RCOR1: variants seen among roughly 807,000 people sequenced by gnomAD.
RCOR1 encodes the protein REST corepressor 1.
Under a neutral mutation model 64.0 loss-of-function variants are expected in RCOR1, and 12 were observed. The ratio of observed to expected loss-of-function variants is 0.19; its 90% CI spans 0.12 to 0.30. RCOR1 has a LOEUF of 0.30. Ranked by LOEUF, RCOR1 falls within the 10% of genes least tolerant of loss-of-function variation. The pLI, the probability that RCOR1 is intolerant of heterozygous loss-of-function variation, is 1.00. For synonymous variants in RCOR1, 279 were observed against 227.2 expected (o/e 1.23, Z -2.05); for missense variants, 502 against 621.2 (o/e 0.81, Z 2.04).
intron 2 of RCOR1, among the ~76,000 whole-genome samples, chr14:102,616,198 A>G (rs2139894702): frequency 6.9e-6 from 1 of 144,514 alleles, no homozygotes; most frequent in African/African-American, 2.6e-5. Flanking sequence ...CAAAAGATAC[A>G]TGTGTATATG....
At chr14:102,658,922 C>T (rs1274924060) in intron 2 of RCOR1, among the ~76,000 whole-genome samples, 1 of 152,074 alleles carries the variant, frequency 6.6e-6, no homozygotes, top group African/African-American at 2.4e-5. Context: ...TAATGTTAAT[C>T]GTGGCCAAGG....
chr14:102,641,595 G>A (rs1270330534), intron 2 of RCOR1, among the ~76,000 whole-genome samples: 1 of 151,958 alleles, frequency 6.6e-6, no homozygotes, highest in African/African-American at 2.4e-5. Context: ...GTGAGACCCT[G>A]TCTCAATTAA....
intron 2 of RCOR1, among the ~76,000 whole-genome samples, chr14:102,635,956 CTTCT>C (rs1894226716): frequency 6.6e-6 from 1 of 152,046 alleles, no homozygotes; most frequent in Admixed American, 6.6e-5. Context: ...CCCTCCCTCC[CTTCT>C]GACAGAGAGT....
In RCOR1 at chr14:102,622,425, C is replaced by T. The variant is rs542638809; in HGVS notation, c.361+29100C>T. Among the ~76,000 whole-genome samples the T allele has an allele frequency of 6.1e-4, 93 of 152,156 alleles. 1 individual carries two copies. The highest frequency in any genetic ancestry group is 1.1e-3 in the Non-Finnish European group (77 of 68,028). ...TCCCCATCACTGTCTGCTTGGGAACCGTGAGCATTGTTCTCATCTTGTGCT... is the reference window on the plus strand; with the variant it reads ...TCCCCATCACTGTCTGCTTGGGAACTGTGAGCATTGTTCTCATCTTGTGCT... On this transcript the variant is annotated intron_variant, in intron 2 of 11. Coordinates refer to ENST00000262241, the MANE Select transcript of RCOR1 (RefSeq NM_015156.4).
At chr14:102,692,759 T>TCC (rs201787843) in intron 3 of RCOR1, among the ~76,000 whole-genome samples, 50 of 89,840 alleles carry the variant, frequency 5.6e-4, no homozygotes, top group African/African-American at 1.3e-3. Flanking sequence ...CTTCCTTCTT[T>TCC]TTCTTTTTCT....
Position 102,592,804 on chromosome 14 carries a change from C to CCCGCGCCCCCT in RCOR1, c.-80_-70dup, listed in dbSNP as rs1357028545. ...CGCGCCCGCCCGGCCCCGCGCCGGC[C>CCCGCGCCCCCT]CCGCGCCCCCTCCCCCGTCTCGGCG... On this transcript the variant is annotated 5_prime_UTR_variant, in exon 1 of 12. Transcript: ENST00000262241. 42 of 1,177,314 alleles carry CCCGCGCCCCCT rather than the reference C, an allele frequency of 3.6e-5. No homozygotes were observed. Among genetic ancestry groups the CCCGCGCCCCCT allele is most frequent in the Non-Finnish European group, 4.3e-5 (41 of 953,100 alleles). The allele number at this position is 1,177,314 out of a possible 1,614,324, so 72.9% of individuals were successfully genotyped here. A position where few individuals can be genotyped will look rare whatever the true frequency, so the allele number is the denominator to read the frequency against.
At chr14:102,654,512 G>C (rs1894681967) in intron 2 of RCOR1, among the ~76,000 whole-genome samples, 1 of 152,060 alleles carries the variant, frequency 6.6e-6, no homozygotes, top group Admixed American at 6.6e-5. Context: ...AGGGAGTAGT[G>C]TGTTTGTTGG....
intron 2 of RCOR1, among the ~76,000 whole-genome samples, chr14:102,681,475 T>C (rs1895302038): frequency 6.6e-6 from 1 of 152,038 alleles, no homozygotes; most frequent in Non-Finnish European, 1.5e-5. Context: ...CAGGTTAAAC[T>C]TTTTAAATAG....
chr14:102,677,216 C>T (rs1306810310), intron 2 of RCOR1, among the ~76,000 whole-genome samples: 1 of 140,058 alleles, frequency 7.1e-6, no homozygotes, highest in Non-Finnish European at 1.6e-5. Flanking sequence ...GGGCTGACCC[C>T]CCCTCCCCCC....
chr14:102,714,473 A>G lies in RCOR1; in HGVS notation c.909A>G (p.Thr303=), dbSNP rs1427768659. The change falls in exon 8 of 12, where the codon ACA becomes ACG. Residue 303 remains threonine (T), a synonymous_variant. Transcript: ENST00000262241. ...VPQVKKEKHS[T]QAKNRAKRKP... is the part of the protein sequence containing the mutation. ...AGGTCAAAAAAGAAAAACATAGCACACAAGCTAAAAATAGAGCAAAAAGGA... is the reference window on the plus strand; with the variant it reads ...AGGTCAAAAAAGAAAAACATAGCACGCAAGCTAAAAATAGAGCAAAAAGGA... 1.2e-6 allele frequency: 2 copies of G among 1,613,740 alleles called. No individual in the cohort carries two copies. The highest frequency in any genetic ancestry group is 1.1e-5 in the South Asian group (1 of 91,052).
At chr14:102,692,144 G>A (rs139123462) in intron 3 of RCOR1, among the ~76,000 whole-genome samples, 1 of 152,232 alleles carries the variant, frequency 6.6e-6, no homozygotes, top group East Asian at 1.9e-4. Context: ...AATGGCATTG[G>A]TGTTATGAAA....
At chr14:102,675,108 C>A (rs1895115919) in intron 2 of RCOR1, among the ~76,000 whole-genome samples, 1 of 150,522 alleles carries the variant, frequency 6.6e-6, no homozygotes, top group Non-Finnish European at 1.5e-5. Context: ...TGTGTTGGCA[C>A]CTTCAGCAAA....
chr14:102,608,512 G>C (rs980824799), intron 2 of RCOR1, among the ~76,000 whole-genome samples: 14 of 152,042 alleles, frequency 9.2e-5, no homozygotes, highest in African/African-American at 3.1e-4. Flanking sequence ...TCAACTCATT[G>C]CAACCTCTGC....
intron 8 of RCOR1, among the ~76,000 whole-genome samples, chr14:102,719,570 G>T (rs1412216621): frequency 6.6e-6 from 1 of 152,096 alleles, no homozygotes; most frequent in Non-Finnish European, 1.5e-5. Context: ...CCTTACAAAG[G>T]ACATAAACTC....
rs151240064 is a variant in RCOR1, at chr14:102,640,274, A to G, written c.362-41621A>G. Among the ~76,000 whole-genome samples the G allele has an allele frequency of 5.9e-3, 902 of 152,330 alleles. 8 individuals are homozygous for G. The highest frequency in any genetic ancestry group is 0.02 in the African/African-American group (826 of 41,578). On this transcript the variant is annotated intron_variant, in intron 2 of 11. Coordinates refer to ENST00000262241, the MANE Select transcript of RCOR1 (RefSeq NM_015156.4). ...GGGAGCCGCTGTGCCCAGCCTAGTCATGTTTTTAATTAATTGAATGTCTGA... is the reference window on the plus strand; with the variant it reads ...GGGAGCCGCTGTGCCCAGCCTAGTCGTGTTTTTAATTAATTGAATGTCTGA...
At chr14:102,627,170 A>G (rs138168013) in intron 2 of RCOR1, among the ~76,000 whole-genome samples, 133 of 152,308 alleles carry the variant, frequency 8.7e-4, no homozygotes, top group African/African-American at 3.2e-3. Flanking sequence ...ACCTGTCTAC[A>G]TCTGTGCCTG....
chr14:102,667,701 G>A (rs1052286552), intron 2 of RCOR1, among the ~76,000 whole-genome samples: 1 of 152,102 alleles, frequency 6.6e-6, no homozygotes, highest in African/African-American at 2.4e-5. Flanking sequence ...GAGAAAAGTC[G>A]AAGAGATTAG....
chr14:102,662,441 C>G, intron 2 of RCOR1: 3 of 549,922 alleles, frequency 5.5e-6, no homozygotes, highest in South Asian at 1.4e-5. Flanking sequence ...GTTGTCCTCG[C>G]TCTTCTTCAT....
intron 2 of RCOR1, among the ~76,000 whole-genome samples, chr14:102,602,688 T>C (rs2139881673): frequency 6.6e-6 from 1 of 152,320 alleles, no homozygotes; most frequent in South Asian, 2.1e-4. Context: ...ATTACAGACG[T>C]GATCCACTGT....
Sources: gnomAD v4.1 joint callset for allele counts (sites outside exome capture counted in the v4.1 genomes callset) on GRCh38, gnomAD v4.1.1 for gene constraint, MANE v1.5 for transcripts, NCBI Gene and HGNC (gene_info 2026-07-23, HGNC 2026-07-21) for gene names.